RBFOX1: variants seen among roughly 807,000 people sequenced by gnomAD.
RBFOX1 encodes the protein RNA binding fox-1 homolog 1, also known as RNA binding protein fox-1 homolog 1.
A neutral mutation model predicts 57.7 loss-of-function variants in RBFOX1; 8 were observed. The ratio of observed to expected loss-of-function variants is 0.14; its 90% CI spans 0.08 to 0.25. RBFOX1 has a LOEUF of 0.25. RBFOX1 is among the 10% of genes least tolerant of loss of function. RBFOX1 has a pLI of 1.00. For missense variants in RBFOX1, 611 were observed against 548.5 expected, an observed-to-expected ratio of 1.11 and a Z score of -1.14; for synonymous variants, 326 against 222.4, an observed-to-expected ratio of 1.47 and a Z score of -4.15.
intron 4 of RBFOX1, among the ~76,000 whole-genome samples, chr16:7,177,957 C>T (rs553301445): frequency 6.6e-6 from 1 of 152,288 alleles, no homozygotes; most frequent in Admixed American, 6.5e-5. Flanking sequence ...AACTGGAGAG[C>T]AGACACAACA....
rs1236479533 is a variant in RBFOX1 at position 5,531,776 on chromosome 16, C to T, written c.258+64522C>T. ...TTTCTAGTGGTGGAGGTAGATAGGT[C>T]AAAGGGACATGACATGTCAAGAGGT... is the stretch of plus-strand genomic sequence containing the variant. On this transcript the variant is annotated intron_variant, in intron 2 of 2. Transcript: ENST00000585867. Among the ~76,000 whole-genome samples the T allele has an allele frequency of 2.7e-5, 4 of 149,798 alleles. No homozygotes were observed. The East Asian group carries it at 8.0e-4, about 30-fold the overall frequency.
At chr16:5,944,558 T>C (rs544589584) in intron 4 of RBFOX1, among the ~76,000 whole-genome samples, 62 of 151,728 alleles carry the variant, frequency 4.1e-4, no homozygotes, top group Non-Finnish European at 8.1e-4. Context: ...CCTTCGGAGC[T>C]GTGTGAGTCA....
chr16:7,122,873 G>T (rs2067511257), intron 4 of RBFOX1, among the ~76,000 whole-genome samples: 1 of 152,104 alleles, frequency 6.6e-6, no homozygotes, highest in African/African-American at 2.4e-5. Flanking sequence ...ACAATAAAAA[G>T]GAGCAACTAT....
At chr16:7,507,499 T>C (rs1293278083) in intron 4 of RBFOX1, among the ~76,000 whole-genome samples, 1 of 151,322 alleles carries the variant, frequency 6.6e-6, no homozygotes, top group Non-Finnish European at 1.5e-5. Context: ...GATCCCACCC[T>C]CAGAGATTCT....
intron 3 of RBFOX1, among the ~76,000 whole-genome samples, chr16:6,850,253 C>G (rs1294208942): frequency 2.0e-5 from 3 of 152,026 alleles, no homozygotes; most frequent in South Asian, 4.2e-4. Flanking sequence ...TAGTGTGAAG[C>G]TTTAAAAAAT....
intron 4 of RBFOX1, among the ~76,000 whole-genome samples, chr16:7,431,879 C>G (rs1190937483): frequency 6.6e-6 from 1 of 152,196 alleles, no homozygotes; most frequent in Non-Finnish European, 1.5e-5. Flanking sequence ...TTAGAAAGAC[C>G]TTTCCCCCAC....
At chr16:5,517,741 A>G (rs1348832915) in intron 2 of RBFOX1, among the ~76,000 whole-genome samples, 2 of 152,144 alleles carry the variant, frequency 1.3e-5, no homozygotes, top group African/African-American at 4.8e-5. Flanking sequence ...TTCCTTGTTT[A>G]CTTTCACTTC....
chr16:7,208,388 A>G (rs561375284), intron 4 of RBFOX1, among the ~76,000 whole-genome samples: 1 of 152,302 alleles, frequency 6.6e-6, no homozygotes, highest in African/African-American at 2.4e-5. Flanking sequence ...ATGGTTCTGC[A>G]GGCTGTGTAA....
intron 4 of RBFOX1, among the ~76,000 whole-genome samples, chr16:5,987,780 T>C (rs1276837049): frequency 6.6e-6 from 1 of 152,204 alleles, no homozygotes; most frequent in Non-Finnish European, 1.5e-5. Flanking sequence ...CTTATGAATG[T>C]CCAATTGCAA....
intron 5 of RBFOX1, chr16:7,519,878 G>A (rs2077152182): frequency 3.8e-6 from 1 of 261,938 alleles, no homozygotes; most frequent in Non-Finnish European, 5.7e-6. Flanking sequence ...TTGACGTTTT[G>A]TTTTTGTTTT....
chr16:6,263,609 GTC>G (rs1197911859), intron 1 of RBFOX1, among the ~76,000 whole-genome samples: 2 of 151,940 alleles, frequency 1.3e-5, no homozygotes, highest in Non-Finnish European at 2.9e-5. Flanking sequence ...CTCCCTTCCT[GTC>G]TCTCTCTCTC....
intron 2 of RBFOX1, among the ~76,000 whole-genome samples, chr16:5,588,887 A>G (rs2046918472): frequency 6.6e-6 from 1 of 152,180 alleles, no homozygotes; most frequent in Non-Finnish European, 1.5e-5. Context: ...GTTGAGAGGT[A>G]CAATTGGGTG....
At chr16:7,136,674 C>T (rs543913136) in intron 4 of RBFOX1, among the ~76,000 whole-genome samples, 1 of 152,242 alleles carries the variant, frequency 6.6e-6, no homozygotes, top group East Asian at 1.9e-4. Flanking sequence ...GCCTTGGCCT[C>T]CCAAAGTGTT....
In RBFOX1 at chr16:7,126,966, G is replaced by A. The variant is rs1379995242; in HGVS notation, c.27+74868G>A. ...AGAGGTTGCAGTGAGCCAAGATCGC[G>A]CCACTACACTGCAGCCTGGGCGTGA... is the stretch of plus-strand genomic sequence containing the variant. On this transcript the variant is annotated intron_variant, in intron 4 of 15. Transcript: ENST00000550418. Among the ~76,000 whole-genome samples, 6 of 146,810 alleles carry A rather than the reference G, an allele frequency of 4.1e-5. No individual in the cohort carries two copies. In the South Asian group the frequency reaches 6.4e-4, roughly 16 times the overall value.
At chr16:7,267,555 TAATAA>T (rs749823069) in intron 4 of RBFOX1, among the ~76,000 whole-genome samples, 47 of 147,952 alleles carry the variant, frequency 3.2e-4, no homozygotes, top group South Asian at 2.4e-3. Context: ...TTTAAAAAAA[TAATAA>T]AATAAAATGG....
In RBFOX1 at chr16:5,704,561, G is replaced by A. The variant is rs1287614979; in HGVS notation, c.318+105600G>A. 2.0e-5 allele frequency among the ~76,000 whole-genome samples: 3 copies of A among 152,148 alleles called. No individual in the cohort carries two copies. In the East Asian group the frequency reaches 5.8e-4, roughly 29 times the overall value. ...TCAGCAGTCACACCGTTATTCCTCG[G>A]AGATAAATCATCCCTGGTTTATTTA... On this transcript the variant is annotated intron_variant, in intron 3 of 19. Transcript: ENST00000641259.
chr16:6,475,303 C>T (rs1428282140), intron 2 of RBFOX1, among the ~76,000 whole-genome samples: 1 of 152,146 alleles, frequency 6.6e-6, no homozygotes, highest in Non-Finnish European at 1.5e-5. Context: ...TGATTCCTGC[C>T]ATCTCAAGGA....
chr16:7,355,902 C>G (rs916221595), intron 4 of RBFOX1, among the ~76,000 whole-genome samples: 1 of 152,176 alleles, frequency 6.6e-6, no homozygotes, highest in Non-Finnish European at 1.5e-5. Context: ...TGCTGACAGC[C>G]AAAGGCAATC....
chr16:7,148,979 C>T (rs905365530), intron 4 of RBFOX1, among the ~76,000 whole-genome samples: 3 of 152,178 alleles, frequency 2.0e-5, no homozygotes, highest in South Asian at 2.1e-4. Context: ...AACCTGAAGC[C>T]ATAGTATTTT....
Sources: gnomAD v4.1 joint callset for allele counts (sites outside exome capture counted in the v4.1 genomes callset) on GRCh38, gnomAD v4.1.1 for gene constraint, MANE v1.5 for transcripts, NCBI Gene and HGNC (gene_info 2026-07-23, HGNC 2026-07-21) for gene names.